Variants in LEPROTL1 observed in about 807,000 individuals in gnomAD.
LEPROTL1 encodes the protein leptin receptor overlapping transcript like 1, also known as leptin receptor overlapping transcript-like 1.
In LEPROTL1, 6 loss-of-function variants were observed where a neutral mutation model predicts 15.4. The ratio of observed to expected loss-of-function variants is 0.39; its 90% CI spans 0.21 to 0.77. The LOEUF is 0.77. Among genes scored for constraint, LEPROTL1 ranks in the 30% least tolerant of loss-of-function variants. The probability of loss-of-function intolerance (pLI) is 0.41; values close to 1 mark genes in which losing one functional copy is unlikely to be tolerated. For synonymous variants in LEPROTL1, 56 were observed against 52.6 expected, an observed-to-expected ratio of 1.06 and a Z score of -0.28; for missense variants, 128 against 158.1, an observed-to-expected ratio of 0.81 and a Z score of 1.02.
intron 3 of LEPROTL1, among the ~76,000 whole-genome samples, chr8:30,105,242 A>G (rs1802543763): frequency 6.6e-6 from 1 of 152,226 alleles, no homozygotes; most frequent in Non-Finnish European, 1.5e-5. Context: ...GAAGACAGCC[A>G]TATGGAGAAG....
chr8:30,101,091 C>T (rs567132415), intron 1 of LEPROTL1, among the ~76,000 whole-genome samples: 10 of 152,238 alleles, frequency 6.6e-5, no homozygotes, highest in Non-Finnish European at 1.3e-4. Flanking sequence ...CAGATATTCT[C>T]GGGCATTTTT....
intron 3 of LEPROTL1, chr8:30,132,361 T>G (rs752068086): frequency 2.3e-5 from 35 of 1,551,732 alleles, no homozygotes; most frequent in Non-Finnish European, 3.0e-5. Flanking sequence ...AGATATCCTG[T>G]GGGTTCTTTC....
At chr8:30,095,569 G>A (rs1435097583) in intron 1 of LEPROTL1, 41 bp downstream of exon 1, 57 of 1,333,934 alleles carry the variant, frequency 4.3e-5, no homozygotes, top group Non-Finnish European at 5.3e-5. Context: ...TGGGGCCGGC[G>A]GGGGAAGATG....
chr8:30,117,384 C>A, intron 3 of LEPROTL1: 1 of 1,286,082 alleles, frequency 7.8e-7, no homozygotes, highest in Non-Finnish European at 1.1e-6. Flanking sequence ...CATTACATCC[C>A]TAGAAAAAGA....
chr8:30,132,014 T>C (rs1439888083), intron 3 of LEPROTL1: 1 of 1,552,022 alleles, frequency 6.4e-7, no homozygotes, highest in Non-Finnish European at 8.7e-7. Flanking sequence ...AAGACACTGT[T>C]GTACGAATTA....
Position 30,095,772 on chromosome 8 carries a change from C to T in LEPROTL1, c.16+244C>T, listed in dbSNP as rs758005010. On this transcript the variant is annotated intron_variant, in intron 1 of 3. Coordinates refer to ENST00000321250, the MANE Select transcript of LEPROTL1 (RefSeq NM_015344.3). ...CCCACTTTCTGCCGATTTCGGCAGC[C>T]TCTCTCCCACCCATCGCCCCCCGGA... 132 of 699,164 alleles carry T rather than the reference C, an allele frequency of 1.9e-4. 2 individuals carry two copies. In the Middle Eastern group the frequency reaches 9.0e-3, roughly 47 times the overall value. 43.3% of individuals were successfully genotyped at this position (699,164 alleles called of 1,614,324 possible).
chr8:30,128,336 A>G (rs1018429473), intron 3 of LEPROTL1, among the ~76,000 whole-genome samples: 1 of 152,208 alleles, frequency 6.6e-6, no homozygotes, highest in African/African-American at 2.4e-5. Flanking sequence ...ACCCCTGGCC[A>G]TCAGTGGGGA....
At chr8:30,104,099 T>G (rs568307546) in intron 2 of LEPROTL1, among the ~76,000 whole-genome samples, 4 of 152,370 alleles carry the variant, frequency 2.6e-5, no homozygotes, top group South Asian at 4.1e-4. Context: ...ACTTTTAGCT[T>G]CTTTTCTGTA....
chr8:30,133,668 G>T (rs1803074882), intron 4 of LEPROTL1, among the ~76,000 whole-genome samples: 1 of 151,762 alleles, frequency 6.6e-6, no homozygotes, highest in Non-Finnish European at 1.5e-5. Flanking sequence ...GGGTGCAGTG[G>T]GTCCCATCAC....
At chr8:30,115,435 C>A (rs1431555095) in intron 3 of LEPROTL1, among the ~76,000 whole-genome samples, 2 of 151,652 alleles carry the variant, frequency 1.3e-5, no homozygotes, top group Non-Finnish European at 2.9e-5. Flanking sequence ...AAATGCATAC[C>A]TTCATCTAAT....
intron 4 of LEPROTL1, chr8:30,132,820 G>A: frequency 3.9e-6 from 6 of 1,551,748 alleles, no homozygotes; most frequent in Non-Finnish European, 5.2e-6. Context: ...TCCAGATGCT[G>A]CCTTCACTTT....
At chr8:30,099,166 C>T (rs1263705959) in intron 1 of LEPROTL1, among the ~76,000 whole-genome samples, 1 of 152,164 alleles carries the variant, frequency 6.6e-6, no homozygotes, top group African/African-American at 2.4e-5. Context: ...AGAGCAAAAG[C>T]TTTGATTGTT....
chr8:30,100,701 G>C (rs940667846), intron 1 of LEPROTL1, among the ~76,000 whole-genome samples: 2 of 152,126 alleles, frequency 1.3e-5, no homozygotes, highest in Non-Finnish European at 2.9e-5. Flanking sequence ...CGCCCGCCTT[G>C]GCCTCCCAAA....
Position 30,104,582 on chromosome 8 carries a change from A to G in LEPROTL1, c.279+96A>G, listed in dbSNP as rs1802528983. 9 of 695,602 alleles carry G rather than the reference A, an allele frequency of 1.3e-5. No individual in the cohort carries two copies. In the East Asian group the frequency reaches 2.6e-4, roughly 20 times the overall value. 43.1% of individuals were successfully genotyped at this position (695,602 alleles called of 1,614,324 possible). On this transcript the variant is annotated intron_variant, in intron 3 of 3. Transcript: ENST00000321250. ...TTGTTAATGACATGAAAAGAGGTGA[A>G]AGACATAAGAGCCTAGAAGATAGAG...
intron 1 of LEPROTL1, among the ~76,000 whole-genome samples, chr8:30,101,297 G>A (rs1271563724): frequency 1.3e-5 from 2 of 152,164 alleles, no homozygotes; most frequent in Admixed American, 6.5e-5. Flanking sequence ...TTGAGCCTGT[G>A]GACTTTGACT....
At chr8:30,124,079 TA>T (rs1802873064) in intron 3 of LEPROTL1, among the ~76,000 whole-genome samples, 1 of 152,066 alleles carries the variant, frequency 6.6e-6, no homozygotes, top group South Asian at 2.1e-4. Context: ...TTGTTAGTCT[TA>T]TACTAACTGT....
chr8:30,128,650 G>T (rs1189742705), intron 3 of LEPROTL1, among the ~76,000 whole-genome samples: 1 of 151,946 alleles, frequency 6.6e-6, no homozygotes, highest in Non-Finnish European at 1.5e-5. Context: ...TACTTGGGAG[G>T]CTGAGGTGGG....
chr8:30,107,760 T>G lies in LEPROTL1; in HGVS notation c.*1898T>G. On this transcript the variant is annotated 3_prime_UTR_variant, in exon 4 of 4. Coordinates refer to ENST00000321250, the MANE Select transcript of LEPROTL1 (RefSeq NM_015344.3). ...GCTTGTGATCTACTGGACTTTTTTT[T>G]GCAGGAAGTGCATTCTCTGGTCCTT... The G allele has an allele frequency of 4.1e-6, 4 of 985,158 alleles. No individual in the cohort carries two copies. Among genetic ancestry groups the G allele is most frequent in the Non-Finnish European group, 4.8e-6 (4 of 829,824 alleles). 61.0% of individuals were successfully genotyped at this position (985,158 alleles called of 1,614,324 possible).
At chr8:30,121,465 G>A (rs986234165) in intron 3 of LEPROTL1, among the ~76,000 whole-genome samples, 5 of 152,132 alleles carry the variant, frequency 3.3e-5, no homozygotes, top group Non-Finnish European at 2.9e-5. Flanking sequence ...TGTTGGCCAG[G>A]CTGGTCTCCA....
Sources: allele counts gnomAD v4.1 joint callset (sites outside exome capture counted in the v4.1 genomes callset), GRCh38; gene constraint gnomAD v4.1.1; transcripts MANE v1.5; gene names NCBI Gene and HGNC (gene_info 2026-07-23, HGNC 2026-07-21).